DGKB: variants seen among roughly 807,000 people sequenced by gnomAD.
The protein encoded by DGKB is diacylglycerol kinase beta.
A neutral mutation model predicts 114.3 loss-of-function variants in DGKB; 67 were observed. That is an observed-to-expected ratio of 0.59 (90% CI 0.48 to 0.72). DGKB has a LOEUF of 0.72. DGKB is among the 30% of genes least tolerant of loss of function. The pLI, the probability that DGKB is intolerant of heterozygous loss-of-function variation, is 0.00. For missense variants in DGKB, 907 were observed against 975.2 expected (o/e 0.93, Z 0.93); for synonymous variants, 398 against 323.1 (o/e 1.23, Z -2.49).
chr7:14,967,694 C>T (rs867719184), intron 1 of DGKB, among the ~76,000 whole-genome samples: 2 of 88,594 alleles, frequency 2.3e-5, no homozygotes, highest in Non-Finnish European at 5.1e-5. Flanking sequence ...TAATTAAAAA[C>T]AAAACTTTAT....
intron 20 of DGKB, among the ~76,000 whole-genome samples, chr7:14,549,856 C>T (rs919702934): frequency 2.6e-5 from 4 of 152,026 alleles, no homozygotes; most frequent in South Asian, 2.1e-4. Flanking sequence ...GGCGTGGTGG[C>T]GTGTGCCTGT....
At chr7:14,769,166 G>T (rs1836972527) in intron 2 of DGKB, among the ~76,000 whole-genome samples, 1 of 135,572 alleles carries the variant, frequency 7.4e-6, no homozygotes, top group South Asian at 2.4e-4. Flanking sequence ...AGGGAGGGAA[G>T]GGAAGGAAAG....
chr7:14,656,394 G>T (rs75116951), intron 13 of DGKB, among the ~76,000 whole-genome samples: 3,408 of 149,542 alleles, frequency 0.023, 124 homozygotes, highest in African/African-American at 0.079. Flanking sequence ...TTAAATTTTG[G>T]TTTTTTTTTC....
intron 23 of DGKB, among the ~76,000 whole-genome samples, chr7:14,293,488 A>C (rs993170430): frequency 2.6e-5 from 4 of 152,188 alleles, no homozygotes; most frequent in African/African-American, 9.6e-5. Flanking sequence ...ATTTATTGTT[A>C]TTTAAAAAAA....
intron 21 of DGKB, among the ~76,000 whole-genome samples, chr7:14,427,214 C>A (rs1827709976): frequency 6.6e-6 from 1 of 152,096 alleles, no homozygotes; most frequent in African/African-American, 2.4e-5. Context: ...ATGTAACAAA[C>A]CTGTACGTCC....
At chr7:14,202,047 C>T (rs1055749202) in intron 23 of DGKB, among the ~76,000 whole-genome samples, 1 of 151,944 alleles carries the variant, frequency 6.6e-6, no homozygotes, top group Non-Finnish European at 1.5e-5. Context: ...TTTCAGAGAA[C>T]ACTTCTTGAA....
intron 25 of DGKB, among the ~76,000 whole-genome samples, chr7:14,164,558 G>A (rs1784366293): frequency 6.6e-6 from 1 of 152,134 alleles, no homozygotes. Flanking sequence ...TTCTAGATGA[G>A]TTTTAACATA....
At chr7:14,837,391 G>C (rs1426383670) in intron 2 of DGKB, among the ~76,000 whole-genome samples, 1 of 152,116 alleles carries the variant, frequency 6.6e-6, no homozygotes, top group Non-Finnish European at 1.5e-5. Flanking sequence ...GTCCAACATT[G>C]AATGATTTGG....
chr7:14,182,365 T>C (rs1231355915), intron 23 of DGKB, among the ~76,000 whole-genome samples: 1 of 152,042 alleles, frequency 6.6e-6, no homozygotes, highest in East Asian at 1.9e-4. Context: ...TCTAACAGCA[T>C]TTTAATCTAA....
chr7:14,936,069 A>G (rs1785258650), intron 1 of DGKB, among the ~76,000 whole-genome samples: 1 of 152,152 alleles, frequency 6.6e-6, no homozygotes, highest in Non-Finnish European at 1.5e-5. Context: ...ACTAAGATGC[A>G]TGATTTTTCA....
At chr7:14,869,840 C>T (rs1189581234) in intron 1 of DGKB, among the ~76,000 whole-genome samples, 1 of 152,050 alleles carries the variant, frequency 6.6e-6, no homozygotes, top group Non-Finnish European at 1.5e-5. Flanking sequence ...GGTTATGACA[C>T]AGTAATAAAC....
chr7:14,710,780 C>T (rs918172408), intron 6 of DGKB, among the ~76,000 whole-genome samples: 2 of 151,992 alleles, frequency 1.3e-5, no homozygotes, highest in African/African-American at 4.8e-5. Flanking sequence ...TCTTTATTCT[C>T]TTAATGTGGC....
chr7:14,392,844 A>G (rs118024664), intron 21 of DGKB, among the ~76,000 whole-genome samples: 1 of 152,228 alleles, frequency 6.6e-6, no homozygotes, highest in East Asian at 1.9e-4. Flanking sequence ...CTATATACCA[A>G]GATAGCTTTG....
chr7:14,571,649 T>A (rs888313870), intron 20 of DGKB, among the ~76,000 whole-genome samples: 10 of 152,228 alleles, frequency 6.6e-5, no homozygotes, highest in African/African-American at 2.2e-4. Flanking sequence ...CATCCTTGGT[T>A]AAATGAGAGG....
chr7:14,261,694 C>G (rs1052387254), intron 23 of DGKB, among the ~76,000 whole-genome samples: 1 of 152,008 alleles, frequency 6.6e-6, no homozygotes, highest in Non-Finnish European at 1.5e-5. Flanking sequence ...AGGAAAGAAA[C>G]AAAAACATAG....
chr7:14,529,980 G>T (rs1315835026), intron 20 of DGKB, among the ~76,000 whole-genome samples: 1 of 151,638 alleles, frequency 6.6e-6, no homozygotes, highest in Non-Finnish European at 1.5e-5. Flanking sequence ...GACCTGAGCA[G>T]CTACTCATAA....
chr7:14,686,158 C>T (rs1209494450), intron 9 of DGKB, among the ~76,000 whole-genome samples: 1 of 151,960 alleles, frequency 6.6e-6, no homozygotes, highest in East Asian at 1.9e-4. Context: ...TAAATTAATT[C>T]CCACTTTAGC....
At chr7:14,859,226 TG>T (rs1228745131) in intron 1 of DGKB, among the ~76,000 whole-genome samples, 11 of 151,848 alleles carry the variant, frequency 7.2e-5, no homozygotes, top group African/African-American at 2.4e-4. Context: ...AACTGAGGTC[TG>T]GGAAAAAAAG....
upstream of DGKB, among the ~76,000 whole-genome samples, chr7:14,904,031 G>C (rs1783505698): frequency 6.6e-6 from 1 of 152,130 alleles, no homozygotes; most frequent in Non-Finnish European, 1.5e-5. Flanking sequence ...CTTATTGGCT[G>C]CTCTCATTAA....
Sources: allele counts gnomAD v4.1 joint callset (sites outside exome capture counted in the v4.1 genomes callset), GRCh38; gene constraint gnomAD v4.1.1; transcripts MANE v1.5; gene names NCBI Gene and HGNC (gene_info 2026-07-23, HGNC 2026-07-21).